The following GALNT18 variants were observed in gnomAD, a reference collection of about 807,000 sequenced individuals.
GALNT18 encodes GalNAc-transferase 18.
GALNT18 carries 44 observed loss-of-function variants against 69.5 expected under a neutral mutation model. The observed-to-expected ratio is 0.63, with a 90% confidence interval of 0.50 to 0.81. The LOEUF (loss-of-function observed/expected upper bound fraction) is 0.81. Among genes scored for constraint, GALNT18 ranks in the 40% least tolerant of loss-of-function variants. The pLI, the probability that GALNT18 is intolerant of heterozygous loss-of-function variation, is 0.00. For synonymous variants in GALNT18, 364 were observed against 318.2 expected, an observed-to-expected ratio of 1.14 and a Z score of -1.53; for missense variants, 715 against 810.0, an observed-to-expected ratio of 0.88 and a Z score of 1.42.
chr11:11,621,254 A>T lies in GALNT18; in HGVS notation c.235+105T>A. 1 of 900,966 alleles carries T rather than the reference A, an allele frequency of 1.1e-6. No homozygotes were observed. The highest frequency in any genetic ancestry group is 1.7e-6 in the Non-Finnish European group (1 of 579,194). 55.8% of individuals were successfully genotyped at this position (900,966 alleles called of 1,614,324 possible). The stretch of plus-strand genomic sequence containing the variant: ...GACTACCACGCATCTGCGGCCCCAG[A>T]GCCCCGCCGTGGCTGAGTTGATGCG... On this transcript the variant is annotated intron_variant, in intron 1 of 10. Transcript: ENST00000227756. The surrounding 1 kb of genome is among the most constrained non-coding windows in gnomAD (Gnocchi z 9.3).
chr11:11,295,340 T>C (rs1399998992), intron 9 of GALNT18, among the ~76,000 whole-genome samples: 2 of 152,064 alleles, frequency 1.3e-5, no homozygotes, highest in African/African-American at 4.8e-5. Context: ...GGGTAGGGTG[T>C]CAGGGAACCA....
At chr11:11,580,326 C>T (rs1755138977) in intron 1 of GALNT18, among the ~76,000 whole-genome samples, 1 of 152,176 alleles carries the variant, frequency 6.6e-6, no homozygotes. Context: ...CTCCCTCCCG[C>T]CACCCCCAAA....
rs2133985074 is a variant in GALNT18 at position 11,562,347 on chromosome 11, C to T, written c.235+59012G>A. Reference sequence around the variant, plus strand: ...TCCATGTTTCCCCTTTAGATGTGCACACCCGTCATATTGGATTGGGGCCCA... The same window carrying T: ...TCCATGTTTCCCCTTTAGATGTGCATACCCGTCATATTGGATTGGGGCCCA... On this transcript the variant is annotated intron_variant, in intron 1 of 10. Transcript: ENST00000227756. This position sits in a 1 kb window ranked among gnomAD's most constrained non-coding sequence, Gnocchi z 4.1. Among the ~76,000 whole-genome samples, 1 of 152,248 alleles carries T rather than the reference C, an allele frequency of 6.6e-6. No homozygotes were observed.
At chr11:11,580,380 C>T (rs949863421) in intron 1 of GALNT18, among the ~76,000 whole-genome samples, 2 of 152,236 alleles carry the variant, frequency 1.3e-5, no homozygotes, top group East Asian at 1.9e-4. Context: ...TTCCTAAGAC[C>T]GTCCCTGAGA....
rs1854145117 is a variant in GALNT18 at position 11,389,966 on chromosome 11, A to G, written c.596-10702T>C. On this transcript the variant is annotated intron_variant, in intron 3 of 10. Transcript: ENST00000227756. This position sits in a 1 kb window ranked among gnomAD's most constrained non-coding sequence, Gnocchi z 4.3. ...GAGTGCTGCCGAACTCAAAAATTTG[A>G]TGATCCTAAAATCTCATGACTGAGA... Among the ~76,000 whole-genome samples the G allele has an allele frequency of 6.6e-6, 1 of 152,152 alleles. No individual in the cohort carries two copies.
At chr11:11,593,199 G>T (rs1859402461) in intron 1 of GALNT18, among the ~76,000 whole-genome samples, 1 of 152,196 alleles carries the variant, frequency 6.6e-6, no homozygotes, top group Admixed American at 6.5e-5. Context: ...GTCCAATGCA[G>T]CTCCCTTTAG....
Position 11,340,669 on chromosome 11 carries a change from A to G in GALNT18, c.1278+150T>C, listed in dbSNP as rs1458334773. 3.0e-6 allele frequency: 2 copies of G among 676,122 alleles called. No homozygotes were observed. The highest frequency in any genetic ancestry group is 2.4e-6 in the Non-Finnish European group (1 of 414,458). The allele number at this position is 676,122 out of a possible 1,614,324, so 41.9% of individuals were successfully genotyped here. A position where few individuals can be genotyped will look rare whatever the true frequency, so the allele number is the denominator to read the frequency against. On this transcript the variant is annotated intron_variant, in intron 7 of 10. Coordinates refer to ENST00000227756, the MANE Select transcript of GALNT18 (RefSeq NM_198516.3). This position sits in a 1 kb window ranked among gnomAD's most constrained non-coding sequence, Gnocchi z 4.2. ...TAGAGCCTCATGGCCCCTTTTCTTC[A>G]GCAAATAATATGTTTTGGGGTTGAG...
At chr11:11,581,236 A>G (rs534158304) in intron 1 of GALNT18, among the ~76,000 whole-genome samples, 12 of 152,332 alleles carry the variant, frequency 7.9e-5, no homozygotes, top group African/African-American at 1.2e-4. Context: ...GTTGATGAGT[A>G]TAAGTACAGA....
intron 1 of GALNT18, among the ~76,000 whole-genome samples, chr11:11,532,756 C>T (rs1010396979): frequency 2.6e-5 from 4 of 152,180 alleles, no homozygotes; most frequent in Non-Finnish European, 4.4e-5. Context: ...TATTAAATTC[C>T]AGGACAAGTG....
chr11:11,589,751 G>C (rs1859310059), intron 1 of GALNT18, among the ~76,000 whole-genome samples: 1 of 152,182 alleles, frequency 6.6e-6, no homozygotes, highest in South Asian at 2.1e-4. Flanking sequence ...GAGCTTCACA[G>C]ACCTGATCCT....
Position 11,372,390 on chromosome 11 carries a change from G to T in GALNT18, c.1092+125C>A. The T allele has an allele frequency of 2.8e-6, 2 of 719,322 alleles. No individual in the cohort carries two copies. The highest frequency in any genetic ancestry group is 3.5e-5 in the South Asian group (2 of 56,924). 44.6% of individuals were successfully genotyped at this position (719,322 alleles called of 1,614,324 possible). ...TCTTCCCAATCCCAATCACACACAG[G>T]ATTCAGGACTGGACATTCAGAATCA... On this transcript the variant is annotated intron_variant, in intron 6 of 10. Coordinates refer to ENST00000227756, the MANE Select transcript of GALNT18 (RefSeq NM_198516.3). This position sits in a 1 kb window ranked among gnomAD's most constrained non-coding sequence, Gnocchi z 4.9.
chr11:11,288,830 TAA>T (rs1250467000), intron 10 of GALNT18, among the ~76,000 whole-genome samples: 4 of 151,732 alleles, frequency 2.6e-5, no homozygotes, highest in Non-Finnish European at 5.9e-5. Flanking sequence ...GATGGAACAC[TAA>T]GATATGCAAA....
At chr11:11,370,892 C>T (rs190598022) in intron 6 of GALNT18, among the ~76,000 whole-genome samples, 107 of 152,208 alleles carry the variant, frequency 7.0e-4, no homozygotes, top group Non-Finnish European at 1.2e-3. Context: ...AGCAGCTCCT[C>T]GTGAAAAATA....
At chr11:11,418,975 G>C (rs1443692072) in intron 3 of GALNT18, among the ~76,000 whole-genome samples, 1 of 152,198 alleles carries the variant, frequency 6.6e-6, no homozygotes, top group Non-Finnish European at 1.5e-5. Context: ...GACCTACACA[G>C]TGAACCAGGT....
intron 1 of GALNT18, among the ~76,000 whole-genome samples, chr11:11,474,478 G>T (rs575233309): frequency 1.2e-3 from 188 of 152,298 alleles, no homozygotes; most frequent in African/African-American, 4.4e-3. Flanking sequence ...AGGGTTTTCA[G>T]CAAAAGAGGA....
chr11:11,304,185 C>T (rs936986228), intron 9 of GALNT18, among the ~76,000 whole-genome samples: 1 of 152,192 alleles, frequency 6.6e-6, no homozygotes, highest in African/African-American at 2.4e-5. Context: ...CTGCTGAGGC[C>T]CCTGGAGCTG....
In GALNT18 at chr11:11,293,212, A is replaced by G. The variant is rs992545379; in HGVS notation, c.1513-19T>C. 28 of 1,317,160 alleles carry G rather than the reference A, an allele frequency of 2.1e-5. No homozygotes were observed. Among genetic ancestry groups the G allele is most frequent in the Middle Eastern group, 2.0e-4 (1 of 4,948 alleles). 81.6% of individuals were successfully genotyped at this position (1,317,160 alleles called of 1,614,324 possible). The stretch of plus-strand genomic sequence containing the variant: ...ACACGTTCTGGGGGCGGAGGGAGGG[A>G]GAGAGTGTGGATAAATGCCAATGGC... On this transcript the variant is annotated intron_variant, in intron 9 of 10. Coordinates refer to ENST00000227756, the MANE Select transcript of GALNT18 (RefSeq NM_198516.3).
At position 11,596,424 on chromosome 11, in the gene GALNT18, C is replaced by T. The variant is rs868432639; in HGVS notation, c.235+24935G>A. On this transcript the variant is annotated intron_variant, in intron 1 of 10. Coordinates refer to ENST00000227756, the MANE Select transcript of GALNT18 (RefSeq NM_198516.3). This position sits in a 1 kb window ranked among gnomAD's most constrained non-coding sequence, Gnocchi z 4.2. ...AAGCCTGTCAATTTCTGTGTAAAAGCCAGCTGGGATTTTGATAAAGATATC... is the reference window on the plus strand; with the variant it reads ...AAGCCTGTCAATTTCTGTGTAAAAGTCAGCTGGGATTTTGATAAAGATATC... Among the ~76,000 whole-genome samples the T allele has an allele frequency of 6.6e-6, 1 of 152,084 alleles. No individual in the cohort carries two copies.
intron 3 of GALNT18, among the ~76,000 whole-genome samples, chr11:11,431,474 C>T (rs1296642001): frequency 2.0e-5 from 3 of 152,144 alleles, no homozygotes; most frequent in African/African-American, 7.2e-5. Context: ...ACTATGTTGC[C>T]TATTTGCATC....
Sources: gnomAD v4.1 joint callset for allele counts (sites outside exome capture counted in the v4.1 genomes callset) on GRCh38, gnomAD v4.1.1 for gene constraint, Gnocchi (gnomAD v3.1) non-coding constraint, MANE v1.5 for transcripts, NCBI Gene and HGNC (gene_info 2026-07-23, HGNC 2026-07-21) for gene names.